Variants in ATRN observed in about 807,000 individuals in gnomAD.
ATRN encodes attractin-2.
A neutral mutation model predicts 178.7 loss-of-function variants in ATRN; 54 were observed. The observed-to-expected ratio is 0.30, with a 90% CI of 0.24 to 0.38. ATRN has a LOEUF of 0.38. Ranked by LOEUF, ATRN falls within the 10% of genes least tolerant of loss-of-function variation. The pLI is 1.00. For synonymous variants in ATRN, 636 were observed against 663.0 expected, an observed-to-expected ratio of 0.96 and a Z score of 0.63; for missense variants, 1,443 against 1,815.1, an observed-to-expected ratio of 0.79 and a Z score of 3.73.
intron 6 of ATRN, among the ~76,000 whole-genome samples, chr20:3,551,054 G>A (rs1000718684): frequency 2.6e-5 from 4 of 152,196 alleles, no homozygotes; most frequent in Non-Finnish European, 5.9e-5. Context: ...TTACCTGGCT[G>A]GTGCAGTGCA....
intron 1 of ATRN, among the ~76,000 whole-genome samples, chr20:3,479,676 A>T (rs916789719): frequency 1.3e-5 from 2 of 152,180 alleles, no homozygotes; most frequent in African/African-American, 4.8e-5. Flanking sequence ...AGTTCTGGGG[A>T]CTAGAAGCCT....
In ATRN at chr20:3,501,585, T is replaced by G. The variant is rs117517155; in HGVS notation, c.410+30068T>G. On this transcript the variant is annotated intron_variant, in intron 1 of 28. Coordinates refer to ENST00000262919, the MANE Select transcript of ATRN (RefSeq NM_139321.3). ...AGCCAGTGCTCCAACTGAGAACAAC[T>G]AGTAGAGAAGCTGGGAAATATTGTT... is the stretch of plus-strand genomic sequence containing the variant. Among the ~76,000 whole-genome samples the G allele has an allele frequency of 3.3e-4, 51 of 152,272 alleles. No individual in the cohort carries two copies. The East Asian group carries it at 9.6e-3, about 29-fold the overall frequency.
chr20:3,566,402 G>T (rs2086036600), intron 11 of ATRN, among the ~76,000 whole-genome samples: 1 of 152,154 alleles, frequency 6.6e-6, no homozygotes, highest in South Asian at 2.1e-4. Flanking sequence ...TTTTTAAGAA[G>T]TTAAACAGCC....
chr20:3,584,951 A>G, intron 18 of ATRN, 71 bp downstream of exon 18: 1 of 1,436,282 alleles, frequency 7.0e-7, no homozygotes, highest in Non-Finnish European at 9.8e-7. Flanking sequence ...CTTGAAAGCT[A>G]CGTTGTGTAT....
At chr20:3,551,286 C>T (rs146283665) in intron 6 of ATRN, among the ~76,000 whole-genome samples, 8 of 152,256 alleles carry the variant, frequency 5.3e-5, no homozygotes, top group African/African-American at 1.7e-4. Context: ...CAGTACTGGA[C>T]GAAATGGGAT....
chr20:3,506,713 C>T (rs2085049861), intron 1 of ATRN, among the ~76,000 whole-genome samples: 1 of 151,526 alleles, frequency 6.6e-6, no homozygotes, highest in Non-Finnish European at 1.5e-5. Context: ...GACACACACA[C>T]ACACACATAC....
intron 1 of ATRN, among the ~76,000 whole-genome samples, chr20:3,510,200 G>A (rs1261738456): frequency 1.3e-5 from 2 of 152,092 alleles, no homozygotes; most frequent in Non-Finnish European, 2.9e-5. Context: ...AATTTTCAAC[G>A]TGCAGTACAG....
chr20:3,478,693 A>G (rs978303222), intron 1 of ATRN, among the ~76,000 whole-genome samples: 2 of 152,154 alleles, frequency 1.3e-5, no homozygotes, highest in African/African-American at 4.8e-5. Context: ...ATAAAAAACA[A>G]AAACATGTGT....
intron 22 of ATRN, 126 bp from the exon 23 acceptor site, chr20:3,600,820 A>G: frequency 1.1e-6 from 1 of 897,446 alleles, no homozygotes; most frequent in Non-Finnish European, 1.7e-6. Flanking sequence ...CTCTTCTGTG[A>G]GTTTCTCTAA....
chr20:3,585,261 G>A (rs1316050082), intron 18 of ATRN, among the ~76,000 whole-genome samples: 2 of 152,172 alleles, frequency 1.3e-5, no homozygotes, highest in East Asian at 3.8e-4. Context: ...TGAGGACTTT[G>A]TAAGGGAAAG....
chr20:3,567,487 C>T (rs1362192566), intron 11 of ATRN, among the ~76,000 whole-genome samples: 1 of 152,174 alleles, frequency 6.6e-6, no homozygotes, highest in East Asian at 1.9e-4. Context: ...GTAATGTTTT[C>T]ATTTTATGTG....
intron 24 of ATRN, among the ~76,000 whole-genome samples, chr20:3,604,784 C>T (rs2086657018): frequency 6.6e-6 from 1 of 152,166 alleles, no homozygotes; most frequent in South Asian, 2.1e-4. Context: ...AATCATACAG[C>T]CTTTCCAAGT....
At chr20:3,472,917 T>A (rs192520088) in intron 1 of ATRN, among the ~76,000 whole-genome samples, 181 of 151,692 alleles carry the variant, frequency 1.2e-3, no homozygotes, top group African/African-American at 4.1e-3. Context: ...GAGAGAGGAG[T>A]TTGGAATAGC....
intron 6 of ATRN, among the ~76,000 whole-genome samples, chr20:3,552,438 C>T (rs78731922): frequency 0.8 from 120,836 of 151,630 alleles, 48,445 homozygotes; most frequent in East Asian, 1. Context: ...GATGTCCCCC[C>T]CAGTTAATGG....
chr20:3,505,312 G>A (rs1470611026), intron 1 of ATRN, among the ~76,000 whole-genome samples: 2 of 152,110 alleles, frequency 1.3e-5, no homozygotes, highest in Non-Finnish European at 1.5e-5. Context: ...GGACTAGCAC[G>A]AGCAGTCTCC....
At chr20:3,508,935 AG>A (rs2085084169) in intron 1 of ATRN, among the ~76,000 whole-genome samples, 2 of 152,192 alleles carry the variant, frequency 1.3e-5, no homozygotes, top group Admixed American at 1.3e-4. Flanking sequence ...TATAATTTCT[AG>A]GGTAATCACT....
At chr20:3,555,039 C>A (rs866253409) in intron 6 of ATRN, among the ~76,000 whole-genome samples, 3 of 138,256 alleles carry the variant, frequency 2.2e-5, no homozygotes, top group Non-Finnish European at 4.6e-5. Context: ...GTCTCGCTGT[C>A]GCCCAGGCTG....
At chr20:3,613,107 C>G (rs1344297423) in intron 24 of ATRN, among the ~76,000 whole-genome samples, 1 of 152,100 alleles carries the variant, frequency 6.6e-6, no homozygotes, top group Non-Finnish European at 1.5e-5. Flanking sequence ...TTCTGGTGCT[C>G]CTTATCTTTT....
chr20:3,483,165 A>T (rs949818838), intron 1 of ATRN, among the ~76,000 whole-genome samples: 1 of 152,178 alleles, frequency 6.6e-6, no homozygotes, highest in African/African-American at 2.4e-5. Flanking sequence ...TCTTATTCCC[A>T]AAAACATGTA....
Sources: gnomAD v4.1 joint callset for allele counts (sites outside exome capture counted in the v4.1 genomes callset) on GRCh38, gnomAD v4.1.1 for gene constraint, MANE v1.5 for transcripts, NCBI Gene and HGNC (gene_info 2026-07-23, HGNC 2026-07-21) for gene names.